HMCN1: variants seen among roughly 807,000 people sequenced by gnomAD.
The protein encoded by HMCN1 is hemicentin 1, also known as hemicentin-1.
A neutral mutation model predicts 625.9 loss-of-function variants in HMCN1; 321 were observed. The observed-to-expected ratio is 0.51, with a 90% CI of 0.47 to 0.56. The LOEUF is 0.56. HMCN1 is among the 20% of genes least tolerant of loss of function. The pLI is 0.00. For synonymous variants in HMCN1, 2,425 were observed against 2,417.6 expected (o/e 1.00, Z -0.09); for missense variants, 6,588 against 6,887.3 (o/e 0.96, Z 1.54).
intron 1 of HMCN1, among the ~76,000 whole-genome samples, chr1:185,785,228 T>G (rs1198623877): frequency 4.6e-5 from 7 of 152,308 alleles, no homozygotes; most frequent in Non-Finnish European, 7.4e-5. Flanking sequence ...CCAGGCTGCT[T>G]CTTAAAGTAA....
intron 9 of HMCN1, 27 bp from the exon 10 acceptor site, chr1:185,928,519 A>G: frequency 6.2e-7 from 1 of 1,603,116 alleles, no homozygotes; most frequent in Admixed American, 1.7e-5. Context: ...TATAGTAACT[A>G]AAAGTTTTCC....
At chr1:185,819,180 T>G (rs1456054674) in intron 1 of HMCN1, among the ~76,000 whole-genome samples, 1 of 150,124 alleles carries the variant, frequency 6.7e-6, no homozygotes, top group Non-Finnish European at 1.5e-5. Context: ...GAGGTTGCAG[T>G]GAGCGGAGAT....
In HMCN1 at chr1:186,058,640, G is replaced by A. The variant is rs568884364; in HGVS notation, c.7312+1239G>A. Among the ~76,000 whole-genome samples, 7 of 152,028 alleles carry A rather than the reference G, an allele frequency of 4.6e-5. No homozygotes were observed. The South Asian group carries it at 1.2e-3, about 27-fold the overall frequency. On this transcript the variant is annotated intron_variant, in intron 46 of 106. Transcript: ENST00000271588. Reference sequence around the variant, plus strand: ...GTTCCAGAGGTTAAAAGTAATGTCAGTATATGGAAGATTCTAGGGATAGAT... The same window carrying A: ...GTTCCAGAGGTTAAAAGTAATGTCAATATATGGAAGATTCTAGGGATAGAT...
intron 57 of HMCN1, among the ~76,000 whole-genome samples, chr1:186,085,191 C>T (rs899927270): frequency 1.3e-5 from 2 of 152,160 alleles, no homozygotes; most frequent in African/African-American, 2.4e-5. Context: ...TAAACCTTCA[C>T]GCCCTCCTCA....
rs768628000 is a variant in HMCN1, at chr1:186,106,959, G to A, written c.10846G>A (p.Val3616Met). 6.2e-7 allele frequency: 1 copy of A among 1,604,866 alleles called. No homozygotes were observed. The highest frequency in any genetic ancestry group is 1.1e-5 in the South Asian group (1 of 90,926). Reference protein sequence around the residue: ...GDDDKEYLVRVHVPPNIAGTD... With the variant: ...GDDDKEYLVRMHVPPNIAGTD... ...TGATGATAAGGAATATCTAGTGAGA[G>A]TGCATGGTAAATTTGACAAAATATC... The change falls in exon 70 of 107, where the codon GTG becomes ATG. Residue 3616 changes from valine (V) to methionine (M), a missense_variant. Physicochemically the swap from Val to Met is conservative, Grantham distance 21. Transcript: ENST00000271588.
intron 17 of HMCN1, among the ~76,000 whole-genome samples, chr1:185,981,293 A>C (rs35182778): frequency 6.6e-6 from 1 of 151,962 alleles, no homozygotes; most frequent in Non-Finnish European, 1.5e-5. Context: ...AATTTAAATA[A>C]ATTATTTCAA....
In HMCN1 at chr1:185,981,074, G is replaced by A; in HGVS notation, c.2662+1G>A. ...ACAACAGTAACAGTGACCGGACTTG[G>A]TAAGATCAATTGAATGTCTACATAC... On this transcript the variant is annotated splice_donor_variant, in intron 17 of 106. Coordinates refer to ENST00000271588, the MANE Select transcript of HMCN1 (RefSeq NM_031935.3). LOFTEE classifies it high-confidence loss of function. 6.4e-7 allele frequency: 1 copy of A among 1,572,720 alleles called. No individual in the cohort carries two copies. The highest frequency in any genetic ancestry group is 1.7e-5 in the Admixed American group (1 of 59,896).
At chr1:185,824,379 T>C (rs1660381907) in intron 1 of HMCN1, among the ~76,000 whole-genome samples, 1 of 152,208 alleles carries the variant, frequency 6.6e-6, no homozygotes, top group Non-Finnish European at 1.5e-5. Context: ...CACAGTCTGT[T>C]TGTCATTAAT....
intron 1 of HMCN1, among the ~76,000 whole-genome samples, chr1:185,794,034 G>A (rs1398794730): frequency 6.6e-6 from 1 of 152,044 alleles, no homozygotes; most frequent in African/African-American, 2.4e-5. Flanking sequence ...TTTCACTGCC[G>A]ATGCTGTTAC....
At chr1:185,962,337 G>A (rs1354735864) in intron 11 of HMCN1, among the ~76,000 whole-genome samples, 181 bp from the exon 12 acceptor site, 1 of 152,086 alleles carries the variant, frequency 6.6e-6, no homozygotes, top group Non-Finnish European at 1.5e-5. Context: ...TTCAAAGAGA[G>A]TTTACTTCCC....
chr1:185,989,772 ATTTTTTT>A (rs1156913510), intron 21 of HMCN1, 125 bp downstream of exon 21: 18 of 535,470 alleles, frequency 3.4e-5, no homozygotes, highest in East Asian at 1.3e-4. Flanking sequence ...CCAGATTTCT[ATTTTTTT>A]TTTTTTTTTT....
chr1:186,110,274 G>A (rs1054859230), intron 71 of HMCN1, among the ~76,000 whole-genome samples: 2 of 152,148 alleles, frequency 1.3e-5, no homozygotes, highest in African/African-American at 4.8e-5. Flanking sequence ...AGAAAGCAGA[G>A]TATAAGAGTC....
chr1:185,780,421 G>T (rs1406101000), intron 1 of HMCN1, among the ~76,000 whole-genome samples: 1 of 152,154 alleles, frequency 6.6e-6, no homozygotes, highest in Non-Finnish European at 1.5e-5. Flanking sequence ...TCCCTGTCTT[G>T]TGCCAGTTTT....
chr1:185,792,087 A>G (rs756088189), intron 1 of HMCN1, among the ~76,000 whole-genome samples: 26 of 152,240 alleles, frequency 1.7e-4, no homozygotes, highest in Non-Finnish European at 2.9e-4. Context: ...GGAAAAAGAC[A>G]TGAATAAATA....
intron 36 of HMCN1, among the ~76,000 whole-genome samples, chr1:186,032,625 C>T (rs1655531880): frequency 6.6e-6 from 1 of 152,100 alleles, no homozygotes; most frequent in African/African-American, 2.4e-5. Flanking sequence ...TTTCCTGAGG[C>T]CTCCCCAGCC....
intron 1 of HMCN1, among the ~76,000 whole-genome samples, chr1:185,845,185 T>A (rs909051719): frequency 5.9e-5 from 9 of 152,226 alleles, no homozygotes; most frequent in African/African-American, 2.2e-4. Flanking sequence ...GCACTGTTAA[T>A]GTCCTTGCAA....
chr1:185,935,778 A>C (rs1057021220), intron 11 of HMCN1, among the ~76,000 whole-genome samples: 3 of 152,126 alleles, frequency 2.0e-5, no homozygotes. Flanking sequence ...GCTTAGTAAC[A>C]ATAACAGACT....
intron 48 of HMCN1, among the ~76,000 whole-genome samples, chr1:186,063,067 C>CGT (rs1491268573): frequency 1.7e-5 from 1 of 59,854 alleles, no homozygotes; most frequent in African/African-American, 9.6e-5. Flanking sequence ...TGTGTGTGTG[C>CGT]ATATATATAT....
At chr1:185,893,051 C>T (rs946553682) in intron 4 of HMCN1, among the ~76,000 whole-genome samples, 4 of 152,202 alleles carry the variant, frequency 2.6e-5, no homozygotes, top group Admixed American at 1.3e-4. Flanking sequence ...GCGCAGTATT[C>T]GGGTGCAAGT....
Sources: gnomAD v4.1 joint callset for allele counts (sites outside exome capture counted in the v4.1 genomes callset) on GRCh38, gnomAD v4.1.1 for gene constraint, MANE v1.5 for transcripts, NCBI Gene and HGNC (gene_info 2026-07-23, HGNC 2026-07-21) for gene names.